The following SH3RF2 variants were observed in gnomAD, a reference collection of about 807,000 sequenced individuals.
SH3RF2 encodes SH3 domain containing ring finger 2.
SH3RF2 carries 43 observed loss-of-function variants against 59.0 expected under a neutral mutation model. The ratio of observed to expected loss-of-function variants is 0.73; its 90% CI spans 0.57 to 0.94. The LOEUF (loss-of-function observed/expected upper bound fraction) is 0.94. Among genes scored for constraint, SH3RF2 ranks in the 40% least tolerant of loss-of-function variants. The pLI is 0.00. For missense variants in SH3RF2, 930 were observed against 940.1 expected (o/e 0.99, Z 0.14); for synonymous variants, 391 against 391.5 (o/e 1.00, Z 0.01).
intron 2 of SH3RF2, among the ~76,000 whole-genome samples, chr5:145,991,350 T>C (rs1759925483): frequency 1.3e-5 from 2 of 152,220 alleles, no homozygotes; most frequent in Non-Finnish European, 2.9e-5. Context: ...ACATGGAAAG[T>C]GCAGTAGTGC....
At position 146,028,611 on chromosome 5, in the gene SH3RF2, A is replaced by C. The variant is rs373712229; in HGVS notation, c.1059+14550A>C. ...CCTGTAGCACCCACCACCACCACCC[A>C]CCCACCTGTGGCAACAACAGACATT... On this transcript the variant is annotated intron_variant, in intron 5 of 9. Transcript: ENST00000359120. Among the ~76,000 whole-genome samples the C allele has an allele frequency of 2.5e-4, 38 of 151,846 alleles. No individual in the cohort carries two copies. The South Asian group carries it at 6.9e-3, about 27-fold the overall frequency.
intron 2 of SH3RF2, among the ~76,000 whole-genome samples, chr5:145,940,246 C>T (rs887829479): frequency 6.6e-6 from 1 of 152,204 alleles, no homozygotes; most frequent in Non-Finnish European, 1.5e-5. Context: ...GAAAGATGCT[C>T]TGCAAGAGAG....
intron 8 of SH3RF2, among the ~76,000 whole-genome samples, chr5:146,057,024 CCT>C (rs1256329119): frequency 1.3e-5 from 2 of 152,144 alleles, no homozygotes; most frequent in Non-Finnish European, 2.9e-5. Flanking sequence ...TTTTCTTATA[CCT>C]CTGTAGAAGA....
intron 5 of SH3RF2, among the ~76,000 whole-genome samples, chr5:146,028,354 C>T (rs1761617704): frequency 6.6e-6 from 1 of 152,228 alleles, no homozygotes; most frequent in Non-Finnish European, 1.5e-5. Flanking sequence ...CTTGATGGTG[C>T]AGTGGCCTCA....
At chr5:146,074,112 T>C (rs991555480) in intron 9 of SH3RF2, among the ~76,000 whole-genome samples, 4 of 147,042 alleles carry the variant, frequency 2.7e-5, no homozygotes, top group African/African-American at 1.0e-4. Context: ...CGATCTTGGC[T>C]CACTGCAAGC....
chr5:146,051,683 A>G (rs1345668202), intron 7 of SH3RF2, among the ~76,000 whole-genome samples: 2 of 152,212 alleles, frequency 1.3e-5, no homozygotes, highest in East Asian at 3.8e-4. Context: ...AGGGAAGTAA[A>G]AGCTTAGTTC....
In SH3RF2 at chr5:146,047,812, C is replaced by G; in HGVS notation, c.1100C>G (p.Ser367Cys). 1 of 1,614,118 alleles carries G rather than the reference C, an allele frequency of 6.2e-7. No homozygotes were observed. ...CCCGCACCTGTCTCTCCAGGACATT[C>G]CACAGCCGTGGTCAGTCTGCCTGGC... ...YHPAPVSPGHSTAVVSLPGSQ... is the reference protein window; with the variant it reads ...YHPAPVSPGHCTAVVSLPGSQ... The change falls in exon 6 of 10, where the codon TCC becomes TGC. Residue 367 changes from serine to cysteine, a missense_variant. Physicochemically the swap from Ser to Cys is moderately radical, Grantham distance 112. Coordinates refer to ENST00000359120, the MANE Select transcript of SH3RF2 (RefSeq NM_152550.4).
At chr5:145,957,827 G>C (rs1027978115) in intron 2 of SH3RF2, among the ~76,000 whole-genome samples, 1 of 152,068 alleles carries the variant, frequency 6.6e-6, no homozygotes, top group African/African-American at 2.4e-5. Flanking sequence ...AAAACCAAAA[G>C]ACCAGCCAGG....
intron 5 of SH3RF2, among the ~76,000 whole-genome samples, chr5:146,043,396 G>A (rs1420420857): frequency 2.7e-5 from 4 of 150,906 alleles, no homozygotes; most frequent in African/African-American, 7.4e-5. Context: ...TCCAGACCTC[G>A]AGCTGAGTCA....
intron 6 of SH3RF2, among the ~76,000 whole-genome samples, chr5:146,048,588 G>A (rs1324203051): frequency 2.0e-5 from 3 of 152,106 alleles, no homozygotes; most frequent in Non-Finnish European, 4.4e-5. Flanking sequence ...TTGATAAAAC[G>A]CTCCAATGTC....
At chr5:145,964,557 T>C (rs1467941178) in intron 2 of SH3RF2, among the ~76,000 whole-genome samples, 1 of 152,190 alleles carries the variant, frequency 6.6e-6, no homozygotes, top group Non-Finnish European at 1.5e-5. Context: ...CCCACCCATC[T>C]TGGCCTCCCA....
chr5:146,065,693 C>G (rs1763086677), downstream of SH3RF2, among the ~76,000 whole-genome samples: 1 of 152,254 alleles, frequency 6.6e-6, no homozygotes, highest in Non-Finnish European at 1.5e-5. Context: ...AACTCACCCT[C>G]TCCCAAAGAA....
intron 5 of SH3RF2, among the ~76,000 whole-genome samples, chr5:146,014,500 CAAAAGAAACA>C (rs895589769): frequency 1.3e-5 from 2 of 152,054 alleles, no homozygotes; most frequent in Non-Finnish European, 2.9e-5. Flanking sequence ...GGAAAGAAAG[CAAAAGAAACA>C]AAAAGAAACT....
intron 4 of SH3RF2, among the ~76,000 whole-genome samples, chr5:146,006,203 A>G (rs1760638085): frequency 6.6e-6 from 1 of 152,186 alleles, no homozygotes; most frequent in African/African-American, 2.4e-5. Flanking sequence ...CAGAAGGATT[A>G]CTTGAGCCCG....
chr5:146,064,828 G>GAA (rs1281235673), downstream of SH3RF2, among the ~76,000 whole-genome samples: 5 of 12,892 alleles, frequency 3.9e-4, no homozygotes, highest in Admixed American at 2.0e-3. Context: ...AAGAAAGAAA[G>GAA]AAAGAAAGAA....
At chr5:145,949,634 C>T (rs1168081176) in intron 2 of SH3RF2, among the ~76,000 whole-genome samples, 1 of 151,964 alleles carries the variant, frequency 6.6e-6, no homozygotes, top group Non-Finnish European at 1.5e-5. Context: ...GAGAGAAAGC[C>T]GAGTAGATTG....
At chr5:146,022,433 C>G (rs1325470555) in intron 5 of SH3RF2, among the ~76,000 whole-genome samples, 1 of 152,144 alleles carries the variant, frequency 6.6e-6, no homozygotes, top group Non-Finnish European at 1.5e-5. Flanking sequence ...GTCTTAAACT[C>G]CTGACTCAAG....
At chr5:145,961,174 CTTTTTTTTTTTTT>C (rs869156939) in intron 2 of SH3RF2, among the ~76,000 whole-genome samples, 1 of 90,960 alleles carries the variant, frequency 1.1e-5, no homozygotes, top group Non-Finnish European at 2.1e-5. Flanking sequence ...CTGCATCCTC[CTTTTTTTTTTTTT>C]TTTTTTTTTT....
chr5:146,037,505 A>G (rs1452159634), intron 5 of SH3RF2, among the ~76,000 whole-genome samples: 3 of 152,140 alleles, frequency 2.0e-5, no homozygotes, highest in Non-Finnish European at 4.4e-5. Flanking sequence ...GGGTTTTCCA[A>G]GGTTCTATGT....
Sources: gnomAD v4.1 joint callset for allele counts (sites outside exome capture counted in the v4.1 genomes callset) on GRCh38, gnomAD v4.1.1 for gene constraint, MANE v1.5 for transcripts, NCBI Gene and HGNC (gene_info 2026-07-23, HGNC 2026-07-21) for gene names.